IQSEC1: variants seen among roughly 807,000 people sequenced by gnomAD.
IQSEC1 encodes the protein IQ motif and Sec7 domain ArfGEF 1.
In IQSEC1, 31 loss-of-function variants were observed where a neutral mutation model predicts 91.0. That is an observed-to-expected ratio of 0.34 (90% confidence interval 0.26 to 0.46). IQSEC1 has a LOEUF of 0.46. Among genes scored for constraint, IQSEC1 ranks in the 20% least tolerant of loss-of-function variants. The pLI, the probability that IQSEC1 is intolerant of heterozygous loss-of-function variation, is 1.00. For missense variants in IQSEC1, 1,388 were observed against 1,575.6 expected (o/e 0.88, Z 2.02); for synonymous variants, 699 against 662.6 (o/e 1.05, Z -0.84).
intron 1 of IQSEC1, among the ~76,000 whole-genome samples, chr3:13,205,014 T>A (rs1694318155): frequency 6.6e-6 from 1 of 151,928 alleles, no homozygotes; most frequent in Non-Finnish European, 1.5e-5. Context: ...GCCAGGCTGG[T>A]CTCGAACTCC....
intron 1 of IQSEC1, among the ~76,000 whole-genome samples, chr3:12,956,121 A>T (rs1160532778): frequency 6.6e-6 from 1 of 152,186 alleles, no homozygotes; most frequent in Non-Finnish European, 1.5e-5. Flanking sequence ...AGCCGCATCC[A>T]TCAGACAGCA....
At chr3:13,245,227 G>A (rs371098050) in intron 1 of IQSEC1, among the ~76,000 whole-genome samples, 44 of 152,260 alleles carry the variant, frequency 2.9e-4, no homozygotes, top group African/African-American at 9.4e-4. Flanking sequence ...AAGCCACGGT[G>A]AGAAGACTTG....
upstream of IQSEC1, among the ~76,000 whole-genome samples, chr3:13,073,574 G>T (rs1705507798): frequency 6.6e-6 from 1 of 151,816 alleles, no homozygotes; most frequent in Non-Finnish European, 1.5e-5. Flanking sequence ...CGCCCTCGCG[G>T]CAAAGTCACA....
At chr3:13,003,328 A>G (rs1044846816) in intron 1 of IQSEC1, among the ~76,000 whole-genome samples, 1 of 150,234 alleles carries the variant, frequency 6.7e-6, no homozygotes, top group East Asian at 2.0e-4. Flanking sequence ...ATTCTATTCT[A>G]TAACATGGAT....
intron 3 of IQSEC1, among the ~76,000 whole-genome samples, chr3:12,930,815 G>A (rs772649270): frequency 2.6e-5 from 4 of 152,300 alleles, no homozygotes; most frequent in East Asian, 1.9e-4. Context: ...GAGGATCTCC[G>A]TGGTCAGAGG....
intron 9 of IQSEC1, among the ~76,000 whole-genome samples, chr3:12,912,529 G>T (rs1209688645): frequency 2.6e-5 from 4 of 152,136 alleles, no homozygotes; most frequent in Non-Finnish European, 5.9e-5. Context: ...ACCCAATCAA[G>T]AACATGGGCC....
intron 2 of IQSEC1, among the ~76,000 whole-genome samples, chr3:13,122,722 G>A (rs1008952194): frequency 3.9e-5 from 6 of 152,174 alleles, no homozygotes; most frequent in Non-Finnish European, 5.9e-5. Flanking sequence ...TTGCTGCCAA[G>A]GACCCTGAAC....
chr3:13,195,975 C>A (rs1694117127), intron 1 of IQSEC1, among the ~76,000 whole-genome samples: 1 of 152,180 alleles, frequency 6.6e-6, no homozygotes, highest in Non-Finnish European at 1.5e-5. Context: ...TTTCTTATGA[C>A]TACATGTGAA....
rs1033054937 is a variant in IQSEC1 at position 12,940,918 on chromosome 3, TGA to T, written c.318+651_318+652del. 6.6e-5 allele frequency among the ~76,000 whole-genome samples: 10 copies of T among 152,262 alleles called. No homozygotes were observed. The highest frequency in any genetic ancestry group is 2.4e-4 in the African/African-American group (10 of 41,570). On this transcript the variant is annotated intron_variant, in intron 2 of 13. Transcript: ENST00000613206. The surrounding 1 kb of genome is among the most constrained non-coding windows in gnomAD (Gnocchi z 4.4). ...GGATTCTCCTCTCCTGGCTCAACCC[TGA>T]GAGGCTACCTCTTGTCCTCCCTCAA...
At chr3:13,245,843 C>T (rs1232338427) in intron 1 of IQSEC1, among the ~76,000 whole-genome samples, 1 of 151,966 alleles carries the variant, frequency 6.6e-6, no homozygotes, top group Non-Finnish European at 1.5e-5. Context: ...CACCACACTC[C>T]ATGGCCTTTC....
At chr3:13,113,821 G>A (rs750172387) in intron 2 of IQSEC1, among the ~76,000 whole-genome samples, 2 of 152,248 alleles carry the variant, frequency 1.3e-5, no homozygotes, top group Non-Finnish European at 2.9e-5. Context: ...CTGTTCACAC[G>A]TGTGCCTAGC....
chr3:12,993,734 C>T (rs1008621702), intron 1 of IQSEC1, among the ~76,000 whole-genome samples: 1 of 152,242 alleles, frequency 6.6e-6, no homozygotes, highest in African/African-American at 2.4e-5. Flanking sequence ...AGAGCGACAC[C>T]GCAGAGCCCA....
At chr3:13,158,290 A>C (rs1257352576) in intron 2 of IQSEC1, among the ~76,000 whole-genome samples, 2 of 152,174 alleles carry the variant, frequency 1.3e-5, no homozygotes, top group African/African-American at 2.4e-5. Context: ...AGCTCTGTCT[A>C]CCTGGCACAG....
intron 1 of IQSEC1, among the ~76,000 whole-genome samples, chr3:13,067,368 G>T (rs2125103110): frequency 6.6e-6 from 1 of 152,324 alleles, no homozygotes; most frequent in African/African-American, 2.4e-5. Context: ...CGCCTCCTAA[G>T]CCCCCACTGG....
chr3:13,273,839 G>A lies in IQSEC1; in HGVS notation c.272+8872C>T, dbSNP rs1576318995. Among the ~76,000 whole-genome samples the A allele has an allele frequency of 2.6e-5, 4 of 151,804 alleles. No homozygotes were observed. In the South Asian group the frequency reaches 8.3e-4, roughly 32 times the overall value. ...CCCTGCTGGCTCTGCCTCACCCCTC[G>A]CCCCTGCCCTGTTTGCCTCCACCCT... On this transcript the variant is annotated intron_variant, in intron 1 of 15. Transcript: ENST00000648114.
intron 1 of IQSEC1, among the ~76,000 whole-genome samples, chr3:13,040,678 G>A (rs1477977003): frequency 1.3e-5 from 2 of 152,178 alleles, no homozygotes; most frequent in African/African-American, 4.8e-5. Flanking sequence ...CCAGCTCCAT[G>A]GCCTTTTGCC....
rs1212120033 is a variant in IQSEC1, at chr3:12,994,670, A to G, written c.24-52805T>C. ...CGCAGATGGGAACACTGAGGCCCAC[A>G]GCAGGGAAGCCACTGGCCCAGAGGC... On this transcript the variant is annotated intron_variant, in intron 1 of 13. Transcript: ENST00000613206. The surrounding 1 kb of genome is among the most constrained non-coding windows in gnomAD (Gnocchi z 4.5). Among the ~76,000 whole-genome samples, 1 of 152,174 alleles carries G rather than the reference A, an allele frequency of 6.6e-6. No homozygotes were observed. The highest frequency in any genetic ancestry group is 1.5e-5 in the Non-Finnish European group (1 of 68,032).
chr3:13,238,478 C>T (rs947540608), intron 1 of IQSEC1, among the ~76,000 whole-genome samples: 2 of 152,326 alleles, frequency 1.3e-5, no homozygotes, highest in Admixed American at 1.3e-4. Flanking sequence ...GAGATGGCAC[C>T]ACCTCTATCC....
chr3:12,915,556 G>A, intron 7 of IQSEC1, 38 bp downstream of exon 7: 2 of 1,604,200 alleles, frequency 1.2e-6, no homozygotes, highest in Non-Finnish European at 1.7e-6. Context: ...CGCCCGGGTG[G>A]TGCTGGGGCC....
Sources: gnomAD v4.1 joint callset for allele counts (sites outside exome capture counted in the v4.1 genomes callset) on GRCh38, gnomAD v4.1.1 for gene constraint, Gnocchi (gnomAD v3.1) non-coding constraint, MANE v1.5 for transcripts, NCBI Gene and HGNC (gene_info 2026-07-23, HGNC 2026-07-21) for gene names.